GPC1: variants seen among roughly 807,000 people sequenced by gnomAD.
GPC1 encodes the protein glypican 1, also known as glypican-1.
In GPC1, 26 loss-of-function variants were observed where a neutral mutation model predicts 51.5. The ratio of observed to expected loss-of-function variants is 0.50; its 90% confidence interval spans 0.37 to 0.70. The LOEUF is 0.70. Ranked by LOEUF, GPC1 falls within the 30% of genes least tolerant of loss-of-function variation. GPC1 has a pLI of 0.00. For missense variants in GPC1, 775 were observed against 800.5 expected (o/e 0.97, Z 0.38); for synonymous variants, 380 against 348.3 (o/e 1.09, Z -1.01).
chr2:240,449,313 G>GGCCCCCCCCCC (rs1559196149), intron 1 of GPC1: 1 of 140,956 alleles, frequency 7.1e-6, no homozygotes, highest in African/African-American at 2.8e-5. Flanking sequence ...TCCGGCAGGC[G>GGCCCCCCCCCC]CCCCCCCCCA....
Position 240,448,478 on chromosome 2 carries a change from C to T in GPC1, c.167-10552C>T, listed in dbSNP as rs1438923949. Among the ~76,000 whole-genome samples, 3 of 137,722 alleles carry T rather than the reference C, an allele frequency of 2.2e-5. No individual in the cohort carries two copies. Among genetic ancestry groups the T allele is most frequent in the African/African-American group, 7.6e-5 (3 of 39,452 alleles). 90.4% of individuals were successfully genotyped at this position (137,722 alleles called of 152,430 possible). ...AGTCTGGGTGTAGACGGGGTGGAGTCAGGACTCCAGGTGCCTGGGGGTGGA... is the reference window on the plus strand; with the variant it reads ...AGTCTGGGTGTAGACGGGGTGGAGTTAGGACTCCAGGTGCCTGGGGGTGGA... On this transcript the variant is annotated intron_variant, in intron 1 of 8. Transcript: ENST00000264039. This position sits in a 1 kb window ranked among gnomAD's most constrained non-coding sequence, Gnocchi z 4.5.
At chr2:240,461,043 G>A (rs114429730) in intron 2 of GPC1, among the ~76,000 whole-genome samples, 1,493 of 142,876 alleles carry the variant, frequency 0.01, 22 homozygotes, top group African/African-American at 0.039. Context: ...GGTAGAGCTG[G>A]GGACTGCACC....
Position 240,459,208 on chromosome 2 carries a change from G to C in GPC1, c.325+20G>C. 1 of 1,605,430 alleles carries C rather than the reference G, an allele frequency of 6.2e-7. No homozygotes were observed. The highest frequency in any genetic ancestry group is 2.2e-5 in the East Asian group (1 of 44,690). ...TCGATGGTGAGTGCCTCCCACGGGC[G>C]CTCGGGGCCCGCAGGGTGCCGGTGC... On this transcript the variant is annotated intron_variant, in intron 2 of 8. Transcript: ENST00000264039.
At chr2:240,441,951 G>A (rs2151785877) in intron 1 of GPC1, among the ~76,000 whole-genome samples, 1 of 152,284 alleles carries the variant, frequency 6.6e-6, no homozygotes, top group African/African-American at 2.4e-5. Context: ...GTACAGGTGT[G>A]AGGGGCATAC....
chr2:240,455,604 A>C (rs1378554141), intron 1 of GPC1, among the ~76,000 whole-genome samples: 1 of 152,146 alleles, frequency 6.6e-6, no homozygotes, highest in Admixed American at 6.5e-5. Flanking sequence ...AGGCCTCTCT[A>C]TCCCCAGGTG....
chr2:240,454,974 C>G, intron 1 of GPC1: 1 of 225,474 alleles, frequency 4.4e-6, no homozygotes, highest in Non-Finnish European at 9.9e-6. Context: ...GAGGAAACTG[C>G]GGGGTGGGGA....
At chr2:240,453,241 C>T in intron 1 of GPC1, 1 of 172,004 alleles carries the variant, frequency 5.8e-6, no homozygotes, top group Non-Finnish European at 1.2e-5. Flanking sequence ...CCCAGTCCCA[C>T]CCCACCCGTC....
Position 240,466,097 on chromosome 2 carries a change from T to G in GPC1, c.1484T>G (p.Leu495Arg). The stretch of plus-strand genomic sequence containing the variant: ...GGCTCGGGCAGCGGTGATGGCTGTC[T>G]GGATGACCTCTGCAGCCGGAAGGTC... The part of the protein sequence containing the change: ...GSGSGSGDGC[L>R]DDLCSRKVSR... The change falls in exon 9 of 9, where the codon CTG becomes CGG. Residue 495 changes from leucine to arginine, a missense_variant. By Grantham distance (102) the Leu-to-Arg change is moderately radical. Transcript: ENST00000264039. 1 of 1,612,546 alleles carries G rather than the reference T, an allele frequency of 6.2e-7. No individual in the cohort carries two copies.
intron 1 of GPC1, among the ~76,000 whole-genome samples, chr2:240,454,497 G>C (rs945769450): frequency 6.8e-4 from 104 of 152,368 alleles, no homozygotes; most frequent in African/African-American, 2.5e-3. Context: ...CCATCGGCCA[G>C]CCAGGAAGGC....
intron 1 of GPC1, among the ~76,000 whole-genome samples, chr2:240,441,254 C>T (rs2074014944): frequency 6.6e-6 from 1 of 152,266 alleles, no homozygotes; most frequent in Non-Finnish European, 1.5e-5. Context: ...ATGCCCATGT[C>T]TGTTCTATGG....
intron 8 of GPC1, 117 bp downstream of exon 8, chr2:240,465,765 A>C: frequency 1.2e-6 from 1 of 833,526 alleles, no homozygotes; most frequent in African/African-American, 1.7e-5. Flanking sequence ...GCATCACCAC[A>C]GTGAGTCTGA....
chr2:240,450,580 G>C, intron 1 of GPC1: 1 of 470,720 alleles, frequency 2.1e-6, no homozygotes, highest in South Asian at 1.5e-5. Context: ...CAGGGAGACA[G>C]CTAGACCTCT....
In GPC1 at chr2:240,435,802, C is replaced by G. The variant is rs1473586691; in HGVS notation, c.-117C>G. ...TCCTCGGCCGCCGCCGCCTCTGGACCGCGAGCCGCGCGCGCCGGGACCTTG... is the reference window on the plus strand; with the variant it reads ...TCCTCGGCCGCCGCCGCCTCTGGACGGCGAGCCGCGCGCGCCGGGACCTTG... On this transcript the variant is annotated 5_prime_UTR_variant, in exon 1 of 9. Transcript: ENST00000264039. 33 of 657,050 alleles carry G rather than the reference C, an allele frequency of 5.0e-5. No homozygotes were observed. The East Asian group carries it at 9.8e-4, about 20-fold the overall frequency. The allele number at this position is 657,050 out of a possible 1,614,324, so 40.7% of individuals were successfully genotyped here. A position where few individuals can be genotyped will look rare whatever the true frequency, so the allele number is the denominator to read the frequency against.
chr2:240,451,974 G>A (rs1196585089), intron 1 of GPC1: 1 of 152,876 alleles, frequency 6.5e-6, no homozygotes, highest in African/African-American at 2.4e-5. Context: ...CGGTGTTGTG[G>A]CCTGCCTTGG....
intron 1 of GPC1, among the ~76,000 whole-genome samples, chr2:240,453,640 CT>C (rs1194543971): frequency 6.8e-6 from 1 of 147,732 alleles, no homozygotes; most frequent in African/African-American, 2.5e-5. Flanking sequence ...GCAGCCCCCT[CT>C]CCCCGCCCGC....
chr2:240,445,445 A>T (rs904534262), intron 1 of GPC1, among the ~76,000 whole-genome samples: 2 of 152,168 alleles, frequency 1.3e-5, no homozygotes, highest in Non-Finnish European at 2.9e-5. Flanking sequence ...AAACGCCAGT[A>T]GCACCCCCAA....
intron 1 of GPC1, among the ~76,000 whole-genome samples, chr2:240,437,034 C>T (rs1489175633): frequency 6.6e-6 from 1 of 152,228 alleles, no homozygotes; most frequent in Non-Finnish European, 1.5e-5. Context: ...GTGTGGGAAC[C>T]AACCTCGGTC....
chr2:240,458,873 C>A (rs1358289959), intron 1 of GPC1, 157 bp from the exon 2 acceptor site: 2 of 619,064 alleles, frequency 3.2e-6, no homozygotes, highest in Non-Finnish European at 2.8e-6. Flanking sequence ...CACACCCCGA[C>A]CACTTCTGCC....
rs758940537 is a variant in GPC1, at chr2:240,462,426, C to G, written c.561C>G (p.Asp187Glu). The G allele has an allele frequency of 1.6e-5, 26 of 1,605,700 alleles. 1 individual carries two copies. The East Asian group carries it at 5.8e-4, about 36-fold the overall frequency. Residue 187 changes from aspartate (D) to glutamate (E), a missense_variant, in exon 3 of 9, where the codon GAC becomes GAG. Transcript: ENST00000264039. ...ACCCCCAGCTGCTGCTGCCTGATGA[C>G]TACCTGGACTGCCTGGGCAAGCAGG... The part of the protein sequence containing the change: ...QLHPQLLLPD[D>E]YLDCLGKQAE...
Sources: gnomAD v4.1 joint callset for allele counts (sites outside exome capture counted in the v4.1 genomes callset) on GRCh38, gnomAD v4.1.1 for gene constraint, Gnocchi (gnomAD v3.1) non-coding constraint, MANE v1.5 for transcripts, NCBI Gene and HGNC (gene_info 2026-07-23, HGNC 2026-07-21) for gene names.